The following CACNA1C variants were observed in gnomAD, a reference collection of about 807,000 sequenced individuals.
The protein encoded by CACNA1C is voltage-dependent L-type calcium channel subunit alpha-1C.
A neutral mutation model predicts 229.0 loss-of-function variants in CACNA1C; 30 were observed. The observed-to-expected ratio is 0.13, with a 90% CI of 0.10 to 0.18. The LOEUF is 0.18. Ranked by LOEUF, CACNA1C falls within the 10% of genes least tolerant of loss-of-function variation. CACNA1C has a pLI of 1.00. For synonymous variants in CACNA1C, 1,114 were observed against 1,132.5 expected, an observed-to-expected ratio of 0.98 and a Z score of 0.33; for missense variants, 1,658 against 2,845.0, an observed-to-expected ratio of 0.58 and a Z score of 9.49.
At chr12:2,032,698 T>G (rs374539916) in intron 1 of CACNA1C, among the ~76,000 whole-genome samples, 1 of 152,244 alleles carries the variant, frequency 6.6e-6, no homozygotes, top group Non-Finnish European at 1.5e-5. Flanking sequence ...CTCTGAATTA[T>G]GGACAGGCAG....
chr12:2,170,225 G>A (rs1348822176), intron 3 of CACNA1C, among the ~76,000 whole-genome samples: 1 of 152,220 alleles, frequency 6.6e-6, no homozygotes. Flanking sequence ...TTTTTGGATA[G>A]TGGAACTTTT....
intron 3 of CACNA1C, among the ~76,000 whole-genome samples, chr12:2,359,555 T>A (rs953176832): frequency 9.4e-5 from 14 of 148,392 alleles, no homozygotes; most frequent in Admixed American, 2.7e-4. Context: ...TTTTTTTTTT[T>A]AAATCTCACA....
In CACNA1C at chr12:2,688,477, C is replaced by G. The variant is rs770487446; in HGVS notation, c.5815C>G (p.Leu1939Val). 11 of 1,613,756 alleles carry G rather than the reference C, an allele frequency of 6.8e-6. No individual in the cohort carries two copies. In the South Asian group the frequency reaches 1.2e-4, roughly 18 times the overall value. Reference sequence around the variant, plus strand: ...GGCAGTGGCAGGCCTGAGCCCCCTCCTCCAGAGAAGCCATTCCCCTGCCTC... The same window carrying G: ...GGCAGTGGCAGGCCTGAGCCCCCTCGTCCAGAGAAGCCATTCCCCTGCCTC... ...ALAVAGLSPLLQRSHSPASFP... is the reference protein window; with the variant it reads ...ALAVAGLSPLVQRSHSPASFP... Residue 1939 changes from leucine (L) to valine (V), a missense_variant, in exon 46 of 47, where the codon CTC becomes GTC. Transcript: ENST00000399655.
intron 3 of CACNA1C, among the ~76,000 whole-genome samples, chr12:2,205,643 CAGT>C (rs1306005751): frequency 6.6e-6 from 1 of 152,286 alleles, no homozygotes; most frequent in East Asian, 1.9e-4. Context: ...TAAACAGTGG[CAGT>C]AGCATCCTCT....
At chr12:2,527,623 G>A (rs2099822375) in intron 9 of CACNA1C, among the ~76,000 whole-genome samples, 1 of 152,126 alleles carries the variant, frequency 6.6e-6, no homozygotes, top group Non-Finnish European at 1.5e-5. Flanking sequence ...AAGAAATTAA[G>A]GACTCCTTTC....
intron 9 of CACNA1C, among the ~76,000 whole-genome samples, chr12:2,537,774 A>G (rs2099859267): frequency 6.6e-6 from 1 of 151,828 alleles, no homozygotes; most frequent in South Asian, 2.1e-4. Context: ...GTTGCAGGCA[A>G]GCTGTGTTTT....
intron 1 of CACNA1C, among the ~76,000 whole-genome samples, chr12:2,077,012 T>C (rs1595186462): frequency 1.3e-5 from 2 of 152,352 alleles, no homozygotes; most frequent in South Asian, 4.1e-4. Context: ...TAGCTGTGGC[T>C]TCATGTTTAG....
At chr12:2,510,978 G>A (rs2099782494) in intron 8 of CACNA1C, among the ~76,000 whole-genome samples, 1 of 152,200 alleles carries the variant, frequency 6.6e-6, no homozygotes, top group African/African-American at 2.4e-5. Flanking sequence ...ATCATCCCCA[G>A]AAGGGAAGGA....
chr12:2,129,048 A>G (rs2091341091), intron 3 of CACNA1C, among the ~76,000 whole-genome samples: 1 of 152,222 alleles, frequency 6.6e-6, no homozygotes, highest in African/African-American at 2.4e-5. Flanking sequence ...TGGACTAGCC[A>G]GACAGCACAT....
At chr12:2,611,074 G>C (rs2077454073) in intron 28 of CACNA1C, among the ~76,000 whole-genome samples, 1 of 140,664 alleles carries the variant, frequency 7.1e-6, no homozygotes, top group East Asian at 2.3e-4. Context: ...GGATGAGCTG[G>C]ATGCATTCCT....
intron 8 of CACNA1C, among the ~76,000 whole-genome samples, chr12:2,508,067 G>T (rs2099775717): frequency 6.6e-6 from 1 of 152,254 alleles, no homozygotes; most frequent in African/African-American, 2.4e-5. Context: ...CTGCAGCAGG[G>T]CTGGGCTGCT....
intron 3 of CACNA1C, among the ~76,000 whole-genome samples, chr12:2,366,900 A>T (rs2097735483): frequency 2.0e-5 from 3 of 152,324 alleles, no homozygotes; most frequent in Admixed American, 2.0e-4. Flanking sequence ...GAGAGAGCGC[A>T]TGCACAAAGG....
chr12:2,002,914 AAAAC>A (rs1223731098), intron 1 of CACNA1C, among the ~76,000 whole-genome samples: 9 of 152,256 alleles, frequency 5.9e-5, no homozygotes, highest in South Asian at 2.1e-4. Flanking sequence ...CAAACAAACA[AAAAC>A]AAACAAAAAA....
intron 3 of CACNA1C, among the ~76,000 whole-genome samples, chr12:2,236,665 A>G (rs981300072): frequency 6.6e-6 from 1 of 152,284 alleles, no homozygotes; most frequent in East Asian, 1.9e-4. Context: ...ACACCCCAGC[A>G]GTGTGCAAGG....
intron 1 of CACNA1C, among the ~76,000 whole-genome samples, chr12:2,077,540 A>T (rs556551948): frequency 6.6e-6 from 1 of 152,294 alleles, no homozygotes; most frequent in South Asian, 2.1e-4. Flanking sequence ...GTATAACTTA[A>T]TTCTCACAAC....
chr12:2,697,270 G>C lies in CACNA1C; in HGVS notation c.*6071G>C, dbSNP rs529689004. On this transcript the variant is annotated 3_prime_UTR_variant, in exon 47 of 47. Transcript: ENST00000399655. ...AATGCATGCTGTTCCCCCAAGCCTCGTGGGAGTGAGGCCATGGGAAACAGA... is the reference window on the plus strand; with the variant it reads ...AATGCATGCTGTTCCCCCAAGCCTCCTGGGAGTGAGGCCATGGGAAACAGA... The C allele has an allele frequency of 6.6e-6, 1 of 152,156 alleles. No individual in the cohort carries two copies. Among genetic ancestry groups the C allele is most frequent in the African/African-American group, 2.4e-5 (1 of 41,410 alleles). The allele number at this position is 152,156 out of a possible 1,614,324, so 9.4% of individuals were successfully genotyped here.
intron 1 of CACNA1C, among the ~76,000 whole-genome samples, chr12:2,038,776 C>G (rs544595657): frequency 6.6e-6 from 1 of 152,204 alleles, no homozygotes; most frequent in South Asian, 2.1e-4. Flanking sequence ...CATGGTATTT[C>G]TCCTTTTTAT....
At chr12:2,656,761 C>A (rs1263957369) in intron 34 of CACNA1C, among the ~76,000 whole-genome samples, 1 of 152,106 alleles carries the variant, frequency 6.6e-6, no homozygotes, top group African/African-American at 2.4e-5. Context: ...GGAGAGAAAC[C>A]TGAGAAATAA....
At chr12:2,532,215 C>T (rs2099842580) in intron 9 of CACNA1C, among the ~76,000 whole-genome samples, 1 of 152,186 alleles carries the variant, frequency 6.6e-6, no homozygotes, top group South Asian at 2.1e-4. Context: ...CTGAGGGAAG[C>T]GCTGAGCTGC....
Sources: allele counts gnomAD v4.1 joint callset (sites outside exome capture counted in the v4.1 genomes callset), GRCh38; gene constraint gnomAD v4.1.1; transcripts MANE v1.5; gene names NCBI Gene and HGNC (gene_info 2026-07-23, HGNC 2026-07-21).